Variants in DGKB observed in about 807,000 individuals in gnomAD.
DGKB encodes diacylglycerol kinase beta.
In DGKB, 67 loss-of-function variants were observed where a neutral mutation model predicts 114.3. The observed-to-expected ratio is 0.59, with a 90% CI of 0.48 to 0.72. DGKB has a LOEUF of 0.72. Ranked by LOEUF, DGKB falls within the 30% of genes least tolerant of loss-of-function variation. The probability of loss-of-function intolerance (pLI) is 0.00; values close to 1 mark genes in which losing one functional copy is unlikely to be tolerated. For missense variants in DGKB, 907 were observed against 975.2 expected (o/e 0.93, Z 0.93); for synonymous variants, 398 against 323.1 (o/e 1.23, Z -2.49).
At chr7:14,427,767 G>A (rs1827798326) in intron 21 of DGKB, among the ~76,000 whole-genome samples, 1 of 151,968 alleles carries the variant, frequency 6.6e-6, no homozygotes, top group Admixed American at 6.6e-5. Context: ...GAACAGCACA[G>A]GAAAGAACTG....
intron 2 of DGKB, among the ~76,000 whole-genome samples, chr7:14,762,004 A>G (rs1562469844): frequency 6.6e-6 from 1 of 152,116 alleles, no homozygotes; most frequent in Non-Finnish European, 1.5e-5. Flanking sequence ...GCTTGGCTTG[A>G]CTGGCAGGGC....
Position 14,222,087 on chromosome 7 carries a change from T to C in DGKB, c.2123-43936A>G, listed in dbSNP as rs1047923335. 7.9e-5 allele frequency among the ~76,000 whole-genome samples: 12 copies of C among 151,262 alleles called. No homozygotes were observed. In the East Asian group the frequency reaches 1.6e-3, roughly 20 times the overall value. ...AAGGTTTGTTAATTTCGTTGATCTTTTAAAAAAACTTGTTTTTGGCTTCAC... is the reference window on the plus strand; with the variant it reads ...AAGGTTTGTTAATTTCGTTGATCTTCTAAAAAAACTTGTTTTTGGCTTCAC... On this transcript the variant is annotated intron_variant, in intron 23 of 25. Coordinates refer to ENST00000402815, the MANE Select transcript of DGKB (RefSeq NM_001350709.2).
chr7:14,764,835 G>A (rs1025952601), intron 2 of DGKB, among the ~76,000 whole-genome samples: 1 of 151,354 alleles, frequency 6.6e-6, no homozygotes, highest in Non-Finnish European at 1.5e-5. Context: ...AGCAAAAATA[G>A]CATTTTGGAA....
At chr7:14,907,083 A>G (rs577558485), upstream of DGKB, among the ~76,000 whole-genome samples, 7 of 152,306 alleles carry the variant, frequency 4.6e-5, no homozygotes, top group African/African-American at 1.4e-4. Context: ...GAGCTTTTCC[A>G]CTGGTTTTAA....
rs565349411 is a variant in DGKB, at chr7:14,487,417, T to A, written c.1771-9192A>T. ...GAATCTAGAATAGGACCAATAAGCA[T>A]AAAAGGAGCTGGATTAAATCTCTGT... On this transcript the variant is annotated intron_variant, in intron 20 of 25. Transcript: ENST00000402815. 2.0e-5 allele frequency among the ~76,000 whole-genome samples: 3 copies of A among 152,106 alleles called. 1 individual carries two copies. The highest frequency in any genetic ancestry group is 4.1e-4 in the South Asian group (2 of 4,838).
intron 23 of DGKB, among the ~76,000 whole-genome samples, chr7:14,197,392 G>T (rs570091094): frequency 6.6e-6 from 1 of 150,522 alleles, no homozygotes; most frequent in Non-Finnish European, 1.5e-5. Flanking sequence ...TGAACAAACC[G>T]TAAAAAAAAA....
At chr7:14,967,887 T>C (rs902005397) in intron 1 of DGKB, among the ~76,000 whole-genome samples, 1 of 151,802 alleles carries the variant, frequency 6.6e-6, no homozygotes, top group Non-Finnish European at 1.5e-5. Context: ...ATTAGAGAGA[T>C]TGAGAGAGAG....
At chr7:14,313,273 A>G (rs1454916908) in intron 23 of DGKB, among the ~76,000 whole-genome samples, 1 of 152,164 alleles carries the variant, frequency 6.6e-6, no homozygotes, top group African/African-American at 2.4e-5. Flanking sequence ...GGAGGAGCCA[A>G]GATGGCCGAA....
rs1585965470 is a variant in DGKB, at chr7:14,720,811, A to G, written c.323-2126T>C. ...AATACAAACTAATAGTTATTTATGA[A>G]CCAAAGAAGGCAGGGAATTGAAGAC... On this transcript the variant is annotated intron_variant, in intron 5 of 25. Coordinates refer to ENST00000402815, the MANE Select transcript of DGKB (RefSeq NM_001350709.2). Among the ~76,000 whole-genome samples the G allele has an allele frequency of 3.3e-5, 5 of 151,842 alleles. No homozygotes were observed. The East Asian group carries it at 9.6e-4, about 29-fold the overall frequency.
At chr7:14,749,680 A>G (rs565791073) in intron 4 of DGKB, among the ~76,000 whole-genome samples, 14 of 152,300 alleles carry the variant, frequency 9.2e-5, no homozygotes, top group Admixed American at 9.2e-4. Context: ...TTGTCACACC[A>G]AACATTTTTT....
intron 23 of DGKB, among the ~76,000 whole-genome samples, chr7:14,330,285 C>T (rs189030518): frequency 5.3e-5 from 8 of 151,906 alleles, no homozygotes; most frequent in Non-Finnish European, 7.4e-5. Context: ...TTTCAAAATG[C>T]GACTGGTACT....
chr7:14,181,999 T>G (rs1217947357), intron 23 of DGKB, among the ~76,000 whole-genome samples: 2 of 152,178 alleles, frequency 1.3e-5, no homozygotes, highest in Non-Finnish European at 2.9e-5. Context: ...TCTGTGAATC[T>G]GAATAGGAAA....
intron 1 of DGKB, among the ~76,000 whole-genome samples, chr7:14,847,160 G>T (rs1562705051): frequency 6.6e-6 from 1 of 151,944 alleles, no homozygotes; most frequent in Non-Finnish European, 1.5e-5. Flanking sequence ...GCGTGGTGGT[G>T]GGCACCTGTA....
At chr7:14,541,081 C>A (rs1403901739) in intron 20 of DGKB, among the ~76,000 whole-genome samples, 1 of 151,950 alleles carries the variant, frequency 6.6e-6, no homozygotes, top group African/African-American at 2.4e-5. Flanking sequence ...CCTTGAGAAA[C>A]ACTGCATTAA....
chr7:14,554,622 A>G (rs1003992381), intron 20 of DGKB, among the ~76,000 whole-genome samples: 1 of 152,146 alleles, frequency 6.6e-6, no homozygotes, highest in African/African-American at 2.4e-5. Flanking sequence ...CCATTACACA[A>G]TATGGATGTG....
At chr7:14,315,955 A>C (rs940893620) in intron 23 of DGKB, among the ~76,000 whole-genome samples, 21 of 151,908 alleles carry the variant, frequency 1.4e-4, no homozygotes, top group African/African-American at 5.1e-4. Flanking sequence ...AGTGCAATCA[A>C]ACTAGAACTC....
At chr7:14,852,715 AAAG>A (rs1196478677) in intron 1 of DGKB, among the ~76,000 whole-genome samples, 2 of 152,152 alleles carry the variant, frequency 1.3e-5, no homozygotes, top group Non-Finnish European at 2.9e-5. Flanking sequence ...AATACCGATT[AAAG>A]AAGAATGCAG....
intron 23 of DGKB, among the ~76,000 whole-genome samples, chr7:14,319,884 C>G (rs1394833249): frequency 6.6e-6 from 1 of 152,176 alleles, no homozygotes; most frequent in African/African-American, 2.4e-5. Flanking sequence ...AGTTCATCCA[C>G]AAGCATCTTC....
chr7:14,812,944 C>T (rs1843634415), intron 2 of DGKB, among the ~76,000 whole-genome samples: 1 of 152,142 alleles, frequency 6.6e-6, no homozygotes, highest in Non-Finnish European at 1.5e-5. Flanking sequence ...CATTGTGATT[C>T]CTTCCCCTCT....
Sources: gnomAD v4.1 joint callset for allele counts (sites outside exome capture counted in the v4.1 genomes callset) on GRCh38, gnomAD v4.1.1 for gene constraint, MANE v1.5 for transcripts, NCBI Gene and HGNC (gene_info 2026-07-23, HGNC 2026-07-21) for gene names.